The following ASIC2 variants were observed in gnomAD, a reference collection of about 807,000 sequenced individuals.
ASIC2 encodes the protein acid sensing ion channel subunit 2.
A neutral mutation model predicts 57.3 loss-of-function variants in ASIC2; 25 were observed. That is an observed-to-expected ratio of 0.44 (90% confidence interval 0.32 to 0.61). The LOEUF is 0.61. ASIC2 is among the 20% of genes least tolerant of loss of function. The pLI is 0.06. For synonymous variants in ASIC2, 319 were observed against 307.5 expected (o/e 1.04, Z -0.39); for missense variants, 641 against 738.1 (o/e 0.87, Z 1.52).
chr17:33,087,806 G>C (rs1440235001), intron 3 of ASIC2, among the ~76,000 whole-genome samples: 1 of 151,394 alleles, frequency 6.6e-6, no homozygotes, highest in Non-Finnish European at 1.5e-5. Flanking sequence ...GAATTCTCCT[G>C]CCTTGGCCTC....
At chr17:33,203,895 G>A (rs1000097971) in intron 1 of ASIC2, among the ~76,000 whole-genome samples, 3 of 152,202 alleles carry the variant, frequency 2.0e-5, no homozygotes, top group African/African-American at 7.2e-5. Flanking sequence ...TAGGGGAGAA[G>A]GTTATTAGAT....
chr17:33,269,667 C>CTTCCTTCCTTCTTTCCTTTTTCTAGT (rs1904382697), intron 1 of ASIC2, among the ~76,000 whole-genome samples: 1 of 78,604 alleles, frequency 1.3e-5, no homozygotes, highest in Admixed American at 1.4e-4. Context: ...TCCTTCCTTC[C>CTTCCTTCCTTCTTTCCTTTTTCTAGT]TTCCTTCCCT....
chr17:33,571,557 A>C (rs1916443895), intron 1 of ASIC2, among the ~76,000 whole-genome samples: 1 of 152,234 alleles, frequency 6.6e-6, no homozygotes, highest in South Asian at 2.1e-4. Flanking sequence ...AGATGCCCAG[A>C]AACATGTTAT....
intron 1 of ASIC2, among the ~76,000 whole-genome samples, chr17:33,557,194 C>A (rs1297448667): frequency 7.1e-6 from 1 of 140,094 alleles, no homozygotes; most frequent in Non-Finnish European, 1.5e-5. Flanking sequence ...TTTTTGGTCT[C>A]CATTTTACAA....
At chr17:33,419,257 C>T (rs1335754539) in intron 1 of ASIC2, among the ~76,000 whole-genome samples, 1 of 152,220 alleles carries the variant, frequency 6.6e-6, no homozygotes, top group Admixed American at 6.5e-5. Context: ...GGTCTCCTCT[C>T]TATCTTGGCT....
chr17:33,711,523 C>T (rs1909035686), intron 1 of ASIC2, among the ~76,000 whole-genome samples: 1 of 152,172 alleles, frequency 6.6e-6, no homozygotes, highest in Non-Finnish European at 1.5e-5. Context: ...TCTGTTCTCA[C>T]ACTGCTATAA....
intron 1 of ASIC2, among the ~76,000 whole-genome samples, chr17:33,971,521 A>G (rs1905229445): frequency 6.6e-6 from 1 of 152,250 alleles, no homozygotes. Context: ...CCATTCATGC[A>G]TAATGAACAT....
At chr17:33,271,361 A>G (rs914077870) in intron 1 of ASIC2, among the ~76,000 whole-genome samples, 6 of 151,940 alleles carry the variant, frequency 3.9e-5, no homozygotes, top group African/African-American at 1.2e-4. Context: ...CCAAATCCCA[A>G]TCTCCTGTCC....
chr17:34,134,721 C>T (rs1168480977), intron 1 of ASIC2, among the ~76,000 whole-genome samples: 1 of 152,186 alleles, frequency 6.6e-6, no homozygotes, highest in Non-Finnish European at 1.5e-5. Context: ...GCGCCAATCC[C>T]AAGATTAATC....
intron 1 of ASIC2, among the ~76,000 whole-genome samples, chr17:33,881,092 G>T (rs1288439828): frequency 2.6e-5 from 4 of 152,080 alleles, no homozygotes; most frequent in Non-Finnish European, 5.9e-5. Flanking sequence ...AATAAATTAA[G>T]TATTGATAGG....
chr17:33,164,838 A>G (rs916315115), intron 1 of ASIC2, among the ~76,000 whole-genome samples: 1 of 152,084 alleles, frequency 6.6e-6, no homozygotes, highest in African/African-American at 2.4e-5. Flanking sequence ...GTATCCCATT[A>G]TCATTAGGAG....
intron 1 of ASIC2, among the ~76,000 whole-genome samples, chr17:33,683,225 G>A (rs1457320090): frequency 6.6e-6 from 1 of 152,050 alleles, no homozygotes; most frequent in Non-Finnish European, 1.5e-5. Flanking sequence ...CCGCCACCAC[G>A]CCCAGCTAAA....
intron 1 of ASIC2, among the ~76,000 whole-genome samples, chr17:34,068,992 T>C (rs578210979): frequency 3.9e-5 from 6 of 152,232 alleles, no homozygotes; most frequent in Admixed American, 2.0e-4. Flanking sequence ...GCCACGCCAC[T>C]CAAAGCCAAA....
rs182931490 is a variant in ASIC2, at chr17:34,036,090, A to G, written c.555+119888T>C. Among the ~76,000 whole-genome samples the G allele has an allele frequency of 5.7e-4, 87 of 152,222 alleles. 2 individuals carry two copies. The East Asian group carries it at 7.9e-3, about 14-fold the overall frequency. On this transcript the variant is annotated intron_variant, in intron 1 of 9. Coordinates refer to the ASIC2 transcript ENST00000359872. ...ATGCACACATATGTTTATATCGTCA[A>G]TATTCACAATAGCAAAGACTTGGAA...
chr17:33,027,602 G>A (rs1415037931), intron 4 of ASIC2, among the ~76,000 whole-genome samples: 1 of 152,188 alleles, frequency 6.6e-6, no homozygotes, highest in African/African-American at 2.4e-5. Context: ...AGAACAGAGA[G>A]GTTTAGTAAC....
intron 1 of ASIC2, among the ~76,000 whole-genome samples, chr17:33,882,655 T>C (rs906760783): frequency 2.0e-5 from 3 of 152,340 alleles, no homozygotes; most frequent in Admixed American, 2.0e-4. Context: ...TTTTACACTG[T>C]TGGTGGGACT....
rs1202398704 is a variant in ASIC2, at chr17:33,172,241, T to C, written c.709-60174A>G. ...AAATGATCATGTCCTAAAGTTCAGC[T>C]TGTGAAGGTAAAGCCTGCATTTAAA... On this transcript the variant is annotated intron_variant, in intron 1 of 9. Transcript: ENST00000225823. Among the ~76,000 whole-genome samples, 3 of 152,188 alleles carry C rather than the reference T, an allele frequency of 2.0e-5. No homozygotes were observed. The South Asian group carries it at 6.2e-4, about 32-fold the overall frequency.
At chr17:34,017,557 C>T (rs1907017659) in intron 1 of ASIC2, among the ~76,000 whole-genome samples, 1 of 152,196 alleles carries the variant, frequency 6.6e-6, no homozygotes, top group African/African-American at 2.4e-5. Context: ...AAAAGCTAGT[C>T]CTCTTGCACC....
At chr17:33,440,914 C>A (rs1911801333) in intron 1 of ASIC2, among the ~76,000 whole-genome samples, 1 of 152,000 alleles carries the variant, frequency 6.6e-6, no homozygotes, top group Non-Finnish European at 1.5e-5. Flanking sequence ...ATTTTTATTA[C>A]TTGCAAATAT....
Sources: allele counts gnomAD v4.1 joint callset (sites outside exome capture counted in the v4.1 genomes callset), GRCh38; gene constraint gnomAD v4.1.1; transcripts MANE v1.5; gene names NCBI Gene and HGNC (gene_info 2026-07-23, HGNC 2026-07-21).